Variants in ATP13A3 observed in about 807,000 individuals in gnomAD.
ATP13A3 encodes polyamine-transporting ATPase 13A3.
In ATP13A3, 59 loss-of-function variants were observed where a neutral mutation model predicts 158.1. The observed-to-expected ratio is 0.37, with a 90% CI of 0.30 to 0.46. ATP13A3 has a LOEUF of 0.46. Ranked by LOEUF, ATP13A3 falls within the 20% of genes least tolerant of loss-of-function variation. ATP13A3 has a pLI of 1.00. For missense variants in ATP13A3, 1,166 were observed against 1,525.2 expected, an observed-to-expected ratio of 0.76 and a Z score of 3.92; for synonymous variants, 491 against 504.3, an observed-to-expected ratio of 0.97 and a Z score of 0.35.
chr3:194,417,444 CAA>C (rs1715943213), intron 31 of ATP13A3, among the ~76,000 whole-genome samples: 2 of 145,046 alleles, frequency 1.4e-5, no homozygotes, highest in South Asian at 2.2e-4. Flanking sequence ...CACACACACA[CAA>C]AAGGAGGAAG....
At chr3:194,490,583 T>G (rs909839874), upstream of ATP13A3, among the ~76,000 whole-genome samples, 1 of 152,228 alleles carries the variant, frequency 6.6e-6, no homozygotes, top group Non-Finnish European at 1.5e-5. The surrounding 1 kb of genome is among the most constrained non-coding windows in gnomAD (Gnocchi z 4.4). Context: ...TCCATTCCTG[T>G]GTCTACACAA....
chr3:194,463,052 A>T (rs951351919), intron 2 of ATP13A3, among the ~76,000 whole-genome samples: 8 of 152,258 alleles, frequency 5.3e-5, no homozygotes, highest in African/African-American at 1.9e-4. Context: ...AATGAAACCA[A>T]GCCAAAAACT....
chr3:194,429,896 A>G (rs749838519), intron 26 of ATP13A3, 122 bp from the exon 27 acceptor site: 15 of 1,021,898 alleles, frequency 1.5e-5, no homozygotes, highest in Non-Finnish European at 1.7e-5. Context: ...GTGCTTATCC[A>G]CCAAAAGAAC....
intron 16 of ATP13A3, among the ~76,000 whole-genome samples, chr3:194,440,952 CAA>C (rs1577059722): frequency 6.6e-6 from 1 of 152,184 alleles, no homozygotes; most frequent in Admixed American, 6.5e-5. Context: ...GCAATGAAGA[CAA>C]ACGACTTTAT....
chr3:194,410,306 A>AC (rs1715279488), intron 33 of ATP13A3, among the ~76,000 whole-genome samples: 2 of 137,562 alleles, frequency 1.5e-5, no homozygotes, highest in South Asian at 2.4e-4. Context: ...CAAAAAAAAA[A>AC]AAAAAAAAAA....
intron 16 of ATP13A3, among the ~76,000 whole-genome samples, chr3:194,440,425 G>A (rs1717966752): frequency 6.6e-6 from 1 of 152,146 alleles, no homozygotes; most frequent in Non-Finnish European, 1.5e-5. Context: ...GGAAAGCAAC[G>A]GAGAGGCTAA....
intron 2 of ATP13A3, among the ~76,000 whole-genome samples, chr3:194,493,629 C>G (rs1721170603): frequency 6.6e-6 from 1 of 151,664 alleles, no homozygotes; most frequent in Non-Finnish European, 1.5e-5. Flanking sequence ...CCTGGCAAGA[C>G]TCCATCTCAA....
In ATP13A3 at chr3:194,404,588, T is replaced by C. The variant is rs1270582531; in HGVS notation, c.*1331A>G. The C allele has an allele frequency of 1.3e-5, 2 of 152,766 alleles. No homozygotes were observed. The highest frequency in any genetic ancestry group is 2.9e-5 in the Non-Finnish European group (2 of 68,402). The allele number at this position is 152,766 out of a possible 1,614,324, so 9.5% of individuals were successfully genotyped here. A position where few individuals can be genotyped will look rare whatever the true frequency, so the allele number is the denominator to read the frequency against. On this transcript the variant is annotated 3_prime_UTR_variant, in exon 34 of 34. Coordinates refer to ENST00000645319, the MANE Select transcript of ATP13A3 (RefSeq NM_001367549.1). Reference sequence around the variant, plus strand: ...TTCTGTGTTGTGGTAACTGTGGGCGTTGCCAGACTGCTGGATCCACCTATA... The same window carrying C: ...TTCTGTGTTGTGGTAACTGTGGGCGCTGCCAGACTGCTGGATCCACCTATA...
intron 2 of ATP13A3, among the ~76,000 whole-genome samples, chr3:194,468,577 G>C (rs1033075257): frequency 1.3e-5 from 2 of 152,072 alleles, no homozygotes; most frequent in Admixed American, 1.3e-4. Flanking sequence ...CTTAAAACAA[G>C]ATCAGTTGTT....
At chr3:194,462,339 C>G (rs1719721454) in intron 2 of ATP13A3, 103 bp from the exon 3 acceptor site, 1 of 731,728 alleles carries the variant, frequency 1.4e-6, no homozygotes, top group South Asian at 1.8e-5. Context: ...GTCCCCAACC[C>G]CTGGGTCACG....
upstream of ATP13A3, among the ~76,000 whole-genome samples, chr3:194,491,143 C>T (rs1377783790): frequency 6.6e-6 from 1 of 152,152 alleles, no homozygotes; most frequent in African/African-American, 2.4e-5. Context: ...GACTCTATCT[C>T]AAAAAGAATG....
At chr3:194,475,746 C>A (rs979931502) in intron 2 of ATP13A3, among the ~76,000 whole-genome samples, 1 of 152,056 alleles carries the variant, frequency 6.6e-6, no homozygotes, top group Non-Finnish European at 1.5e-5. Context: ...CACAGACACA[C>A]CCCACAATCA....
intron 10 of ATP13A3, chr3:194,450,853 G>A (rs1323005090): frequency 2.6e-5 from 4 of 151,540 alleles, no homozygotes; most frequent in African/African-American, 4.9e-5. Flanking sequence ...ATTTTATCTA[G>A]CTCATTATTT....
chr3:194,454,195 C>T, intron 9 of ATP13A3, 63 bp downstream of exon 9: 2 of 1,452,468 alleles, frequency 1.4e-6, no homozygotes, highest in Non-Finnish European at 1.9e-6. Flanking sequence ...CTATTCTACA[C>T]ACATTAGATG....
chr3:194,489,671 A>C (rs1366647609), upstream of ATP13A3, among the ~76,000 whole-genome samples: 1 of 152,188 alleles, frequency 6.6e-6, no homozygotes, highest in Non-Finnish European at 1.5e-5. This position sits in a 1 kb window ranked among gnomAD's most constrained non-coding sequence, Gnocchi z 4.1. Flanking sequence ...AGGTGCAGCC[A>C]AAGTAAGGCA....
chr3:194,406,062 T>C lies in ATP13A3; in HGVS notation c.3628A>G (p.Lys1210Glu). The C allele has an allele frequency of 2.5e-6, 4 of 1,614,126 alleles. No homozygotes were observed. The highest frequency in any genetic ancestry group is 3.4e-6 in the Non-Finnish European group (4 of 1,180,032). ...CCLPWALGCRKKTPKAKYMYL... is the reference protein window; with the variant it reads ...CCLPWALGCREKTPKAKYMYL... ...ATGTACTTTGCCTTTGGTGTCTTCT[T>C]TCTACAGCCCAGGGCCCAGGGTAAG... Residue 1210 changes from lysine to glutamate, a missense_variant, in exon 34 of 34, where the codon AAG becomes GAG. Lys to Glu is a moderately conservative substitution (Grantham distance 56, BLOSUM62 1). This residue lies in a region of ATP13A3 where 997 missense variants were observed against 1,341.2 expected (regional missense o/e 0.74). Coordinates refer to ENST00000645319, the MANE Select transcript of ATP13A3 (RefSeq NM_001367549.1).
At chr3:194,406,266 T>TA (rs1186564132) in intron 33 of ATP13A3, 150 bp from the exon 34 acceptor site, 10 of 900,144 alleles carry the variant, frequency 1.1e-5, no homozygotes, top group Admixed American at 5.9e-5. Flanking sequence ...AAATCCATGT[T>TA]AAAAAAAGGC....
chr3:194,485,178 C>T (rs1720917905), intron 2 of ATP13A3, among the ~76,000 whole-genome samples: 1 of 152,144 alleles, frequency 6.6e-6, no homozygotes, highest in Non-Finnish European at 1.5e-5. Context: ...CACTCTCTGC[C>T]TGATCTAATG....
At chr3:194,463,289 CTTT>C (rs34171479) in intron 2 of ATP13A3, among the ~76,000 whole-genome samples, 8 of 138,092 alleles carry the variant, frequency 5.8e-5, no homozygotes, top group South Asian at 2.3e-4. Context: ...CATATTTTTC[CTTT>C]TTTTTTTTTT....
Sources: gnomAD v4.1 joint callset for allele counts (sites outside exome capture counted in the v4.1 genomes callset) on GRCh38, gnomAD v4.1.1 for gene constraint, gnomAD v4.1.1 regional missense constraint, Gnocchi (gnomAD v3.1) non-coding constraint, MANE v1.5 for transcripts, NCBI Gene and HGNC (gene_info 2026-07-23, HGNC 2026-07-21) for gene names.